Variants in SUCLG2 observed in about 807,000 individuals in gnomAD.
SUCLG2 encodes succinate-CoA ligase GDP-forming subunit beta, also known as succinate--CoA ligase [GDP-forming] subunit beta, mitochondrial.
In SUCLG2, 42 loss-of-function variants were observed where a neutral mutation model predicts 47.9. The ratio of observed to expected loss-of-function variants is 0.88; its 90% CI spans 0.69 to 1.14. SUCLG2 has a LOEUF of 1.14. Among genes scored for constraint, SUCLG2 ranks in the 50% most tolerant of loss-of-function variants. SUCLG2 has a pLI of 0.00. For synonymous variants in SUCLG2, 195 were observed against 197.3 expected (o/e 0.99, Z 0.10); for missense variants, 571 against 525.9 (o/e 1.09, Z -0.84).
At chr3:67,591,427 C>G (rs368560867) in intron 2 of SUCLG2, among the ~76,000 whole-genome samples, 32 of 152,320 alleles carry the variant, frequency 2.1e-4, no homozygotes, top group African/African-American at 7.5e-4. Context: ...ATCCAAATCT[C>G]ACCTTGAATT....
At chr3:67,453,044 C>T (rs1224244395) in intron 9 of SUCLG2, among the ~76,000 whole-genome samples, 2 of 152,114 alleles carry the variant, frequency 1.3e-5, no homozygotes, top group African/African-American at 2.4e-5. Context: ...TTAATTATAA[C>T]CCTGAAATGC....
intron 7 of SUCLG2, among the ~76,000 whole-genome samples, chr3:67,507,659 T>G (rs1241084281): frequency 1.3e-5 from 2 of 152,230 alleles, no homozygotes; most frequent in Non-Finnish European, 2.9e-5. Context: ...GTGTAGTTTC[T>G]CTGAGTCTAG....
intron 9 of SUCLG2, among the ~76,000 whole-genome samples, chr3:67,476,532 A>G (rs1704763263): frequency 6.6e-6 from 1 of 152,104 alleles, no homozygotes; most frequent in South Asian, 2.1e-4. Context: ...ATTTCATTAC[A>G]TATTACAATT....
rs557893272 is a variant in SUCLG2 at position 67,597,215 on chromosome 3, T to C, written c.226+12240A>G. ...GCTGGCAACAGGCAAAGACACCGAG[T>C]TGATGTGTCCCTTCTTAATTTCCCA... On this transcript the variant is annotated intron_variant, in intron 2 of 10. Coordinates refer to ENST00000307227, the MANE Select transcript of SUCLG2 (RefSeq NM_003848.4). Among the ~76,000 whole-genome samples the C allele has an allele frequency of 3.3e-5, 5 of 152,286 alleles. No individual in the cohort carries two copies. The South Asian group carries it at 8.3e-4, about 25-fold the overall frequency.
At position 67,465,624 on chromosome 3, in the gene SUCLG2, G is replaced by C. The variant is rs192109696; in HGVS notation, c.1062+30174C>G. ...CCCTGGGCTGCTCCCAGCCGAGTAG[G>C]GGCATCCAATCTTCCTTCCCTCTCT... On this transcript the variant is annotated intron_variant, in intron 9 of 10. Coordinates refer to ENST00000307227, the MANE Select transcript of SUCLG2 (RefSeq NM_003848.4). 3.5e-3 allele frequency among the ~76,000 whole-genome samples: 538 copies of C among 152,270 alleles called. 9 individuals carry two copies. Among genetic ancestry groups the C allele is most frequent in the African/African-American group, 0.012 (502 of 41,562 alleles).
At chr3:67,589,519 C>T (rs950016935) in intron 2 of SUCLG2, among the ~76,000 whole-genome samples, 2 of 152,176 alleles carry the variant, frequency 1.3e-5, no homozygotes, top group African/African-American at 4.8e-5. Flanking sequence ...CTACTGGCCT[C>T]ATAATTAGAC....
chr3:67,605,469 C>G (rs1700392267), intron 2 of SUCLG2, among the ~76,000 whole-genome samples: 1 of 152,168 alleles, frequency 6.6e-6, no homozygotes, highest in Non-Finnish European at 1.5e-5. Flanking sequence ...AACTATTCAA[C>G]AACAGAAATC....
chr3:67,483,173 C>T (rs1553649172), intron 9 of SUCLG2, among the ~76,000 whole-genome samples: 2 of 151,822 alleles, frequency 1.3e-5, no homozygotes, highest in Non-Finnish European at 2.9e-5. Flanking sequence ...CCTCTAATTG[C>T]GAGAGAGTTG....
Position 67,610,772 on chromosome 3 carries a change from G to T in SUCLG2, c.85-1176C>A, listed in dbSNP as rs547524336. Among the ~76,000 whole-genome samples, 30 of 152,300 alleles carry T rather than the reference G, an allele frequency of 2.0e-4. No homozygotes were observed. In the South Asian group the frequency reaches 6.2e-3, roughly 32 times the overall value. On this transcript the variant is annotated intron_variant, in intron 1 of 10. Coordinates refer to ENST00000307227, the MANE Select transcript of SUCLG2 (RefSeq NM_003848.4). ...AGATCATAAAAGTGAGGCCCACAGG[G>T]CTTCATCACATGGAGCCATTACCTT...
At chr3:67,470,300 G>A (rs921290061) in intron 9 of SUCLG2, among the ~76,000 whole-genome samples, 1 of 152,174 alleles carries the variant, frequency 6.6e-6, no homozygotes, top group Non-Finnish European at 1.5e-5. Context: ...CACATAATGA[G>A]CTTCTTATAC....
At chr3:67,589,852 C>G (rs1575800148) in intron 2 of SUCLG2, among the ~76,000 whole-genome samples, 4 of 152,272 alleles carry the variant, frequency 2.6e-5, no homozygotes, top group Non-Finnish European at 5.9e-5. Flanking sequence ...CATGTTCCTG[C>G]ACTAAACTCC....
At chr3:67,585,115 T>C (rs1360801089) in intron 2 of SUCLG2, among the ~76,000 whole-genome samples, 1 of 152,134 alleles carries the variant, frequency 6.6e-6, no homozygotes, top group Admixed American at 6.5e-5. Context: ...AATCAATAAA[T>C]AAAACCATTG....
chr3:67,444,660 G>A (rs1400701834), intron 9 of SUCLG2, among the ~76,000 whole-genome samples: 1 of 11,036 alleles, frequency 9.1e-5, no homozygotes, highest in Non-Finnish European at 1.6e-4. Flanking sequence ...TCCCCCGCCC[G>A]GCCAGCCGCC....
intron 2 of SUCLG2, among the ~76,000 whole-genome samples, chr3:67,548,206 TTA>T (rs1706917693): frequency 6.6e-6 from 1 of 152,242 alleles, no homozygotes; most frequent in African/African-American, 2.4e-5. Context: ...GTTGAGATTT[TTA>T]AGCCAGAAAG....
intron 6 of SUCLG2, among the ~76,000 whole-genome samples, chr3:67,516,894 A>G (rs1705960005): frequency 6.6e-6 from 1 of 152,242 alleles, no homozygotes; most frequent in Non-Finnish European, 1.5e-5. Flanking sequence ...CCACTGCTAC[A>G]GGAGAAGCCC....
intron 9 of SUCLG2, chr3:67,408,933 A>G (rs149045729): frequency 0.021 from 31,823 of 1,531,082 alleles, 463 homozygotes; most frequent in Middle Eastern, 0.05. Flanking sequence ...AAGATGAGTC[A>G]GGAGTTCCAG....
intron 6 of SUCLG2, among the ~76,000 whole-genome samples, chr3:67,513,368 A>T (rs1018803618): frequency 6.6e-6 from 1 of 152,148 alleles, no homozygotes; most frequent in African/African-American, 2.4e-5. Context: ...CATTTTGGGG[A>T]TATTTTCTGT....
intron 7 of SUCLG2, among the ~76,000 whole-genome samples, chr3:67,504,152 T>C (rs889496423): frequency 6.6e-6 from 1 of 152,152 alleles, no homozygotes; most frequent in African/African-American, 2.4e-5. Flanking sequence ...TACTTTCAAA[T>C]TAGTCCCACT....
At chr3:67,563,407 T>C (rs1707360072) in intron 2 of SUCLG2, among the ~76,000 whole-genome samples, 1 of 152,218 alleles carries the variant, frequency 6.6e-6, no homozygotes, top group Non-Finnish European at 1.5e-5. Flanking sequence ...ATAACACATT[T>C]AGCCTTTAAC....
Sources: allele counts gnomAD v4.1 joint callset (sites outside exome capture counted in the v4.1 genomes callset), GRCh38; gene constraint gnomAD v4.1.1; transcripts MANE v1.5; gene names NCBI Gene and HGNC (gene_info 2026-07-23, HGNC 2026-07-21).